Variants in PYHIN1 observed in about 807,000 individuals in gnomAD.
The protein encoded by PYHIN1 is pyrin and HIN domain-containing protein 1.
In PYHIN1, 32 loss-of-function variants were observed where a neutral mutation model predicts 43.7. The ratio of observed to expected loss-of-function variants is 0.73; its 90% CI spans 0.55 to 0.98. The LOEUF (loss-of-function observed/expected upper bound fraction) is 0.98, where lower values mean the gene tolerates loss of function less well. PYHIN1 is among the 50% of genes least tolerant of loss of function. The pLI is 0.00. For synonymous variants in PYHIN1, 205 were observed against 203.1 expected (o/e 1.01, Z -0.08); for missense variants, 588 against 589.5 (o/e 1.00, Z 0.03).
chr1:158,958,938 G>T (rs900187982), intron 7 of PYHIN1, among the ~76,000 whole-genome samples: 2 of 151,478 alleles, frequency 1.3e-5, no homozygotes, highest in Admixed American at 6.6e-5. Flanking sequence ...TTAAGCGGCT[G>T]TTTCAATACT....
rs775511234 is a variant in PYHIN1 at position 158,942,361 on chromosome 1, T to C, written c.964T>C (p.Ser322Pro). ...GATCAATATTCTTCACAAACAAACT[T>C]CAGGATATATTGTATATGGATTATT... Reference protein sequence around the residue: ...PKINILHKQTSGYIVYGLFML... With the variant: ...PKINILHKQTPGYIVYGLFML... Residue 322 changes from serine to proline, a missense_variant, in exon 5 of 9, where the codon TCA becomes CCA. Coordinates refer to ENST00000368140, the MANE Select transcript of PYHIN1 (RefSeq NM_152501.5). 5.6e-6 allele frequency: 9 copies of C among 1,610,778 alleles called. No individual in the cohort carries two copies. The African/African-American group carries it at 1.1e-4, about 19-fold the overall frequency.
At chr1:158,939,765 C>A (rs903394677) in intron 4 of PYHIN1, 1 of 534,554 alleles carries the variant, frequency 1.9e-6, no homozygotes, top group African/African-American at 1.9e-5. Flanking sequence ...CTAGGAACTT[C>A]TTTCTTTTCT....
At chr1:158,979,329 C>A (rs947335833), downstream of PYHIN1, among the ~76,000 whole-genome samples, 2 of 152,134 alleles carry the variant, frequency 1.3e-5, no homozygotes, top group Non-Finnish European at 2.9e-5. Context: ...CCCCAGCTAA[C>A]CACCATTTTA....
chr1:158,965,370 C>G (rs555964622), intron 7 of PYHIN1, among the ~76,000 whole-genome samples: 2 of 152,094 alleles, frequency 1.3e-5, no homozygotes, highest in African/African-American at 4.8e-5. Flanking sequence ...TATTCAGGAA[C>G]TGCACTCAAT....
chr1:158,966,663 C>G (rs540416641), intron 7 of PYHIN1, among the ~76,000 whole-genome samples: 1 of 152,006 alleles, frequency 6.6e-6, no homozygotes, highest in African/African-American at 2.4e-5. Flanking sequence ...ATGCAACATC[C>G]CTTCATGTTA....
rs145020982 is a variant in PYHIN1 at position 158,950,266 on chromosome 1, A to G, written c.1359+5224A>G. Among the ~76,000 whole-genome samples the G allele has an allele frequency of 3.2e-3, 483 of 152,372 alleles. 5 individuals carry two copies. The highest frequency in any genetic ancestry group is 0.011 in the African/African-American group (460 of 41,598). ...GCAATGTACAACAGAAAGCATAGCAAGAAGCAAATTATCTGGAGTGAATGG... is the reference window on the plus strand; with the variant it reads ...GCAATGTACAACAGAAAGCATAGCAGGAAGCAAATTATCTGGAGTGAATGG... On this transcript the variant is annotated intron_variant, in intron 7 of 8. Transcript: ENST00000368140.
rs775679542 is a variant in PYHIN1, at chr1:158,941,978, G to A, written c.581G>A (p.Ser194Asn). 2.8e-5 allele frequency: 44 copies of A among 1,598,542 alleles called. 1 individual carries two copies. In the South Asian group the frequency reaches 4.3e-4, roughly 16 times the overall value. Residue 194 changes from serine (S) to asparagine (N), a missense_variant and splice_region_variant, in exon 5 of 9, where the codon AGC becomes AAC. Ser to Asn is a conservative substitution (Grantham distance 46, BLOSUM62 1). Transcript: ENST00000368140. ...GTATTCCTTTTGTATCATGCGCAGA[G>A]CCTAAAACCATTGGCCAACCGTCAC... ...SAPPNTSSTE[S>N]LKPLANRHAT...
chr1:158,966,615 T>C (rs1443728565), intron 7 of PYHIN1, among the ~76,000 whole-genome samples: 5 of 152,172 alleles, frequency 3.3e-5, no homozygotes, highest in African/African-American at 1.2e-4. Flanking sequence ...AAAAGCTACA[T>C]AATCATCTCA....
At chr1:158,966,810 G>C (rs542164533) in intron 7 of PYHIN1, among the ~76,000 whole-genome samples, 1 of 152,220 alleles carries the variant, frequency 6.6e-6, no homozygotes, top group East Asian at 1.9e-4. Context: ...ACAAGACAAG[G>C]ATGGCCTCCC....
chr1:158,950,647 T>C (rs941169528), intron 7 of PYHIN1, among the ~76,000 whole-genome samples: 2 of 152,238 alleles, frequency 1.3e-5, no homozygotes, highest in Non-Finnish European at 2.9e-5. Context: ...CTACAGCTGA[T>C]TGAAATGTGT....
chr1:158,972,311 A>C lies in PYHIN1; in HGVS notation c.1360-1336A>C, dbSNP rs1266688009. The stretch of plus-strand genomic sequence containing the variant: ...GCCATTCTTTGTGCCTCCCTTTATT[A>C]TACTTAAAGGGATAATCAGTATCTT... On this transcript the variant is annotated intron_variant, in intron 7 of 8. Coordinates refer to ENST00000368140, the MANE Select transcript of PYHIN1 (RefSeq NM_152501.5). Among the ~76,000 whole-genome samples the C allele has an allele frequency of 7.9e-5, 12 of 152,154 alleles. No homozygotes were observed. The East Asian group carries it at 2.3e-3, about 29-fold the overall frequency.
chr1:158,934,178 C>T (rs1255867677), intron 1 of PYHIN1, among the ~76,000 whole-genome samples: 1 of 152,052 alleles, frequency 6.6e-6, no homozygotes, highest in Non-Finnish European at 1.5e-5. Context: ...CTAGAAACCC[C>T]AGTGTTATCA....
At chr1:158,967,150 A>G (rs970719891) in intron 7 of PYHIN1, among the ~76,000 whole-genome samples, 2 of 151,930 alleles carry the variant, frequency 1.3e-5, no homozygotes. Context: ...TATTGTATTC[A>G]TCAAGGTTGG....
chr1:158,988,346 T>C, the PYHIN1 span, among the ~76,000 whole-genome samples: 2 of 152,196 alleles, frequency 1.3e-5, no homozygotes, highest in Non-Finnish European at 1.5e-5. Context: ...ATGAGGTGTG[T>C]AATATAAAAA....
chr1:158,958,024 A>G (rs1650064099), intron 7 of PYHIN1, among the ~76,000 whole-genome samples: 1 of 152,264 alleles, frequency 6.6e-6, no homozygotes, highest in African/African-American at 2.4e-5. Context: ...ATCACTGGCC[A>G]TCAGAGAAAT....
chr1:158,965,138 CAAAG>C (rs1375472480), intron 7 of PYHIN1, among the ~76,000 whole-genome samples: 1 of 151,756 alleles, frequency 6.6e-6, no homozygotes. Context: ...GTTAAAAAGA[CAAAG>C]AAGGGCATTT....
At chr1:158,945,278 T>A (rs1030294892) in intron 7 of PYHIN1, 1 of 379,270 alleles carries the variant, frequency 2.6e-6, no homozygotes, top group South Asian at 7.2e-5. Flanking sequence ...TAGTATCTTG[T>A]CTTGCTCCAC....
At chr1:158,964,368 C>T (rs1650497199) in intron 7 of PYHIN1, among the ~76,000 whole-genome samples, 1 of 152,076 alleles carries the variant, frequency 6.6e-6, no homozygotes, top group Non-Finnish European at 1.5e-5. Context: ...ATTCAGGGTA[C>T]ATAGAGAAAT....
At chr1:158,966,680 C>G (rs1239575549) in intron 7 of PYHIN1, among the ~76,000 whole-genome samples, 1 of 151,992 alleles carries the variant, frequency 6.6e-6, no homozygotes, top group African/African-American at 2.4e-5. Flanking sequence ...GTTAAAAACC[C>G]TAAATACTCT....
Sources: allele counts gnomAD v4.1 joint callset (sites outside exome capture counted in the v4.1 genomes callset), GRCh38; gene constraint gnomAD v4.1.1; transcripts MANE v1.5; gene names NCBI Gene and HGNC (gene_info 2026-07-23, HGNC 2026-07-21).